Variants in ERBB4 observed in about 807,000 individuals in gnomAD.
ERBB4 encodes the protein erb-b2 receptor tyrosine kinase 4, also known as receptor tyrosine-protein kinase erbB-4.
ERBB4 carries 42 observed loss-of-function variants against 158.0 expected under a neutral mutation model. The observed-to-expected ratio is 0.27, with a 90% CI of 0.21 to 0.34. The LOEUF is 0.34. Among genes scored for constraint, ERBB4 ranks in the 10% least tolerant of loss-of-function variants. The pLI, the probability that ERBB4 is intolerant of heterozygous loss-of-function variation, is 1.00. For synonymous variants in ERBB4, 583 were observed against 558.7 expected, an observed-to-expected ratio of 1.04 and a Z score of -0.61; for missense variants, 1,333 against 1,624.1, an observed-to-expected ratio of 0.82 and a Z score of 3.08.
At chr2:211,482,161 T>A (rs1200044818) in intron 20 of ERBB4, among the ~76,000 whole-genome samples, 1 of 152,128 alleles carries the variant, frequency 6.6e-6, no homozygotes, top group African/African-American at 2.4e-5. Context: ...AACTGCAGAG[T>A]GTCCCTCTTT....
At chr2:212,123,946 A>C (rs2079838741) in intron 2 of ERBB4, among the ~76,000 whole-genome samples, 1 of 152,228 alleles carries the variant, frequency 6.6e-6, no homozygotes. Flanking sequence ...GGAAGCTATT[A>C]TTTAAAATGT....
At chr2:212,445,505 C>T (rs1235374311) in intron 1 of ERBB4, among the ~76,000 whole-genome samples, 3 of 152,116 alleles carry the variant, frequency 2.0e-5, no homozygotes, top group East Asian at 3.9e-4. Context: ...GATCCTCCTA[C>T]CTTTAAGTCA....
At chr2:212,141,051 A>G (rs1341654397) in intron 1 of ERBB4, among the ~76,000 whole-genome samples, 1 of 151,882 alleles carries the variant, frequency 6.6e-6, no homozygotes, top group African/African-American at 2.4e-5. Context: ...ATGTCTATAT[A>G]TAACTATTAT....
At chr2:212,398,151 C>CAT (rs1422220123) in intron 1 of ERBB4, among the ~76,000 whole-genome samples, 5 of 150,836 alleles carry the variant, frequency 3.3e-5, no homozygotes, top group African/African-American at 1.2e-4. Context: ...TATATACACA[C>CAT]ATATATATGT....
intron 2 of ERBB4, among the ~76,000 whole-genome samples, chr2:211,978,393 TCTG>T (rs1465807563): frequency 8.1e-6 from 1 of 123,550 alleles, no homozygotes; most frequent in Non-Finnish European, 1.8e-5. Flanking sequence ...TGTCTGTCTG[TCTG>T]TCTATCTATC....
chr2:211,927,712 G>GTT (rs545352921), intron 3 of ERBB4, among the ~76,000 whole-genome samples: 9 of 146,872 alleles, frequency 6.1e-5, no homozygotes, highest in Non-Finnish European at 7.5e-5. Flanking sequence ...ACTCGCAAAA[G>GTT]TTTTTTTTTT....
chr2:211,772,589 C>CCT (rs1243925458), intron 4 of ERBB4, among the ~76,000 whole-genome samples: 2 of 149,530 alleles, frequency 1.3e-5, no homozygotes, highest in African/African-American at 5.0e-5. Flanking sequence ...TAATTTTGGG[C>CCT]CTCTCTCTCT....
intron 1 of ERBB4, among the ~76,000 whole-genome samples, chr2:212,171,321 C>CTT (rs1289100053): frequency 2.3e-5 from 2 of 88,734 alleles, no homozygotes; most frequent in Non-Finnish European, 5.1e-5. Context: ...AAGTAACTAA[C>CTT]TTGTTTTTTT....
intron 1 of ERBB4, among the ~76,000 whole-genome samples, chr2:212,270,790 AAGAG>A (rs2085312538): frequency 6.6e-6 from 1 of 151,754 alleles, no homozygotes; most frequent in Admixed American, 6.6e-5. Context: ...GAAATGAAGA[AAGAG>A]AGAATGATTG....
At chr2:212,024,648 C>G (rs995024928) in intron 2 of ERBB4, among the ~76,000 whole-genome samples, 16 of 151,888 alleles carry the variant, frequency 1.1e-4, no homozygotes, top group African/African-American at 3.6e-4. Flanking sequence ...CTAACAACAC[C>G]TATCACTTCC....
At chr2:211,390,169 A>G (rs2062771662) in intron 25 of ERBB4, among the ~76,000 whole-genome samples, 1 of 152,222 alleles carries the variant, frequency 6.6e-6, no homozygotes, top group Admixed American at 6.5e-5. Context: ...ATCATTAAAC[A>G]CCAATTATTT....
chr2:211,805,730 T>A (rs1185502304), intron 3 of ERBB4, among the ~76,000 whole-genome samples: 1 of 152,122 alleles, frequency 6.6e-6, no homozygotes, highest in Non-Finnish European at 1.5e-5. Context: ...CAAAAATAGA[T>A]AATTCAGAAG....
intron 12 of ERBB4, among the ~76,000 whole-genome samples, chr2:211,680,226 C>T (rs747736748): frequency 2.0e-5 from 3 of 152,106 alleles, no homozygotes; most frequent in Admixed American, 2.0e-4. Flanking sequence ...TTAAGGCTAA[C>T]CATCTTTGTT....
chr2:211,521,519 T>C (rs1195853750), intron 20 of ERBB4, among the ~76,000 whole-genome samples: 1 of 152,178 alleles, frequency 6.6e-6, no homozygotes, highest in Non-Finnish European at 1.5e-5. Flanking sequence ...CAAGTGCTGA[T>C]ATAGAAGAAG....
chr2:211,713,833 G>A (rs1273393600), intron 7 of ERBB4, among the ~76,000 whole-genome samples, 185 bp from the exon 8 acceptor site: 2 of 152,074 alleles, frequency 1.3e-5, no homozygotes, highest in East Asian at 1.9e-4. Flanking sequence ...CAAATGCAAT[G>A]TGTGTTAACA....
At chr2:211,872,983 C>T (rs1195422252) in intron 3 of ERBB4, among the ~76,000 whole-genome samples, 2 of 150,626 alleles carry the variant, frequency 1.3e-5, no homozygotes, top group Admixed American at 1.3e-4. Flanking sequence ...AACTCAAATC[C>T]ATCACATTGT....
intron 25 of ERBB4, among the ~76,000 whole-genome samples, chr2:211,416,423 G>T (rs2063393669): frequency 1.3e-5 from 2 of 152,094 alleles, no homozygotes; most frequent in Admixed American, 1.3e-4. Context: ...GAGAAAAGAA[G>T]GCCGCAATGG....
chr2:211,850,719 TA>T (rs1288580305), intron 3 of ERBB4, among the ~76,000 whole-genome samples: 2 of 151,868 alleles, frequency 1.3e-5, no homozygotes, highest in African/African-American at 4.8e-5. Flanking sequence ...ATTTGACATG[TA>T]GGGTCAGAGT....
chr2:211,549,779 C>T lies in ERBB4; in HGVS notation c.2487+12124G>A, dbSNP rs577753493. Among the ~76,000 whole-genome samples, 193 of 152,246 alleles carry T rather than the reference C, an allele frequency of 1.3e-3. 2 individuals are homozygous for T. The highest frequency in any genetic ancestry group is 4.5e-3 in the African/African-American group (187 of 41,558). ...AAGCTAGATAATTGTGCATGCCTGA[C>T]TGAGAGACTGGAGGGTTCTGCTGTG... On this transcript the variant is annotated intron_variant, in intron 20 of 27. Transcript: ENST00000342788.
Sources: gnomAD v4.1 joint callset for allele counts (sites outside exome capture counted in the v4.1 genomes callset) on GRCh38, gnomAD v4.1.1 for gene constraint, MANE v1.5 for transcripts, NCBI Gene and HGNC (gene_info 2026-07-23, HGNC 2026-07-21) for gene names.